The following ALK variants were observed in gnomAD, a reference collection of about 807,000 sequenced individuals.
The protein encoded by ALK is ALK tyrosine kinase receptor.
Under a neutral mutation model 163.1 loss-of-function variants are expected in ALK, and 74 were observed. The observed-to-expected ratio is 0.45, with a 90% CI of 0.38 to 0.55. ALK has a LOEUF of 0.55. Among genes scored for constraint, ALK ranks in the 20% least tolerant of loss-of-function variants. The pLI is 0.00. For synonymous variants in ALK, 960 were observed against 843.2 expected (o/e 1.14, Z -2.40); for missense variants, 2,063 against 2,105.3 (o/e 0.98, Z 0.39).
rs368060294 is a variant in ALK at position 29,309,136 on chromosome 2, C to G, written c.1647+9168G>C. ...ATTCTAGGCAATGAAACTCCCACAG[C>G]CTTCACGGACACCACTGGAAAAAGT... On this transcript the variant is annotated intron_variant, in intron 8 of 28. Coordinates refer to ENST00000389048, the MANE Select transcript of ALK (RefSeq NM_004304.5). Among the ~76,000 whole-genome samples, 5 of 152,254 alleles carry G rather than the reference C, an allele frequency of 3.3e-5. 1 individual carries two copies. Among genetic ancestry groups the G allele is most frequent in the African/African-American group, 1.2e-4 (5 of 41,554 alleles).
rs187619202 is a variant in ALK at position 29,228,567 on chromosome 2, G to A, written c.2815+317C>T. ...GCTGGCTTGGCCAGGCCATCCAAGG[G>A]AGGCTGGGGGAGTCCTTATGGGTGA... is the stretch of plus-strand genomic sequence containing the variant. On this transcript the variant is annotated intron_variant, in intron 16 of 28. Transcript: ENST00000389048. 3.9e-3 allele frequency among the ~76,000 whole-genome samples: 601 copies of A among 152,270 alleles called. 2 individuals carry two copies. The highest frequency in any genetic ancestry group is 6.8e-3 in the Middle Eastern group (2 of 294).
chr2:29,887,544 A>G (rs879672856), intron 1 of ALK, among the ~76,000 whole-genome samples: 3 of 152,222 alleles, frequency 2.0e-5, no homozygotes, highest in Non-Finnish European at 4.4e-5. Context: ...CATAGAGCCC[A>G]TCACCTCTCA....
chr2:29,580,359 C>T (rs1340153557), intron 3 of ALK, among the ~76,000 whole-genome samples: 1 of 152,202 alleles, frequency 6.6e-6, no homozygotes, highest in Non-Finnish European at 1.5e-5. Context: ...CCCAGATGCA[C>T]TCGCTTCGGT....
At chr2:29,300,554 CAAAAAAAA>C (rs10715550) in intron 8 of ALK, among the ~76,000 whole-genome samples, 16 of 95,518 alleles carry the variant, frequency 1.7e-4, no homozygotes, top group African/African-American at 6.5e-4. Context: ...GACTCTGTCT[CAAAAAAAA>C]AAAAAAAAAA....
At chr2:29,348,402 AC>A (rs1668016325) in intron 5 of ALK, among the ~76,000 whole-genome samples, 1 of 152,236 alleles carries the variant, frequency 6.6e-6, no homozygotes, top group Non-Finnish European at 1.5e-5. Context: ...TCCTCGGGGC[AC>A]CCAGGGGCTC....
intron 1 of ALK, among the ~76,000 whole-genome samples, chr2:29,830,966 AGAAGAAGAAGAAGAAG>A (rs1665367601): frequency 3.7e-5 from 1 of 27,332 alleles, no homozygotes; most frequent in African/African-American, 1.4e-4. Flanking sequence ...AAGAAGAAGA[AGAAGAAGAAGAAGAAG>A]AAGAAGAAGA....
At chr2:29,613,275 T>C (rs1194143709) in intron 3 of ALK, among the ~76,000 whole-genome samples, 1 of 152,272 alleles carries the variant, frequency 6.6e-6, no homozygotes, top group Non-Finnish European at 1.5e-5. Flanking sequence ...ATAATCAATT[T>C]ATCCCAGATG....
intron 4 of ALK, among the ~76,000 whole-genome samples, chr2:29,427,884 A>G (rs1670184253): frequency 6.6e-6 from 1 of 152,110 alleles, no homozygotes; most frequent in Admixed American, 6.5e-5. Flanking sequence ...AGGTCACAAA[A>G]CAAGGCTCAA....
intron 8 of ALK, 82 bp from the exon 9 acceptor site, chr2:29,297,139 G>A: frequency 6.5e-7 from 1 of 1,540,974 alleles, no homozygotes; most frequent in Non-Finnish European, 8.9e-7. Flanking sequence ...AAGTTTCAAG[G>A]ACCTTATAAG....
At chr2:29,220,683 A>T (rs2148166196) in intron 23 of ALK, 23 bp downstream of exon 23, 2 of 1,613,206 alleles carry the variant, frequency 1.2e-6, no homozygotes, top group Non-Finnish European at 1.7e-6. Context: ...CAACAACTGC[A>T]GCAAAGACTG....
chr2:29,556,575 T>C (rs1329222352), intron 3 of ALK, among the ~76,000 whole-genome samples: 3 of 152,146 alleles, frequency 2.0e-5, no homozygotes, highest in African/African-American at 7.2e-5. Flanking sequence ...GCAGGGCAAA[T>C]AGAAAGGTGG....
At chr2:29,311,233 G>C (rs917160154) in intron 8 of ALK, among the ~76,000 whole-genome samples, 1 of 152,218 alleles carries the variant, frequency 6.6e-6, no homozygotes, top group Non-Finnish European at 1.5e-5. Context: ...AACCAAGGCA[G>C]AGCAGGTGCT....
At chr2:29,727,653 A>C (rs916453597) in intron 1 of ALK, among the ~76,000 whole-genome samples, 1 of 152,098 alleles carries the variant, frequency 6.6e-6, no homozygotes, top group Non-Finnish European at 1.5e-5. Context: ...TGCTTTTACT[A>C]AGGGGTATTG....
At chr2:29,879,021 A>G (rs2148417158) in intron 1 of ALK, among the ~76,000 whole-genome samples, 1 of 152,282 alleles carries the variant, frequency 6.6e-6, no homozygotes, top group East Asian at 1.9e-4. Context: ...GATGCCAGGG[A>G]GTGTCAGTCA....
intron 1 of ALK, among the ~76,000 whole-genome samples, chr2:29,810,267 C>T (rs936680531): frequency 6.6e-6 from 1 of 151,878 alleles, no homozygotes; most frequent in Non-Finnish European, 1.5e-5. Flanking sequence ...ACTAAAAATA[C>T]AAAAATCAGC....
At chr2:29,547,189 C>T (rs749899647) in intron 3 of ALK, among the ~76,000 whole-genome samples, 1 of 152,246 alleles carries the variant, frequency 6.6e-6, no homozygotes, top group Non-Finnish European at 1.5e-5. Context: ...ACTTCCTCCT[C>T]ATACATTCTA....
chr2:29,718,972 G>A (rs1044906702), intron 1 of ALK, among the ~76,000 whole-genome samples: 1 of 152,202 alleles, frequency 6.6e-6, no homozygotes, highest in Admixed American at 6.5e-5. Flanking sequence ...ACCAGCTCTT[G>A]CAGGTTCTGG....
chr2:29,349,208 A>T (rs886092621), intron 5 of ALK, among the ~76,000 whole-genome samples: 1 of 152,068 alleles, frequency 6.6e-6, no homozygotes, highest in Non-Finnish European at 1.5e-5. Flanking sequence ...GCCTTATTCT[A>T]TGGGCTCACT....
chr2:29,435,841 T>C (rs1003212966), intron 4 of ALK, among the ~76,000 whole-genome samples: 2 of 152,166 alleles, frequency 1.3e-5, no homozygotes, highest in Non-Finnish European at 2.9e-5. Flanking sequence ...TTTTCCACCT[T>C]TGTCTTAAGG....
Sources: allele counts gnomAD v4.1 joint callset (sites outside exome capture counted in the v4.1 genomes callset), GRCh38; gene constraint gnomAD v4.1.1; transcripts MANE v1.5; gene names NCBI Gene and HGNC (gene_info 2026-07-23, HGNC 2026-07-21).